GRAP2: variants seen among roughly 807,000 people sequenced by gnomAD.
The protein encoded by GRAP2 is GRB2-related adapter protein 2.
A neutral mutation model predicts 43.5 loss-of-function variants in GRAP2; 31 were observed. That is an observed-to-expected ratio of 0.71 (90% confidence interval 0.54 to 0.96). The LOEUF (loss-of-function observed/expected upper bound fraction) is 0.96, where lower values mean the gene tolerates loss of function less well. Among genes scored for constraint, GRAP2 ranks in the 40% least tolerant of loss-of-function variants. The pLI is 0.00. For missense variants in GRAP2, 371 were observed against 424.4 expected (o/e 0.87, Z 1.11); for synonymous variants, 156 against 164.8 (o/e 0.95, Z 0.41).
chr22:39,922,864 G>A (rs1260441966), intron 1 of GRAP2, among the ~76,000 whole-genome samples: 1 of 152,142 alleles, frequency 6.6e-6, no homozygotes, highest in Non-Finnish European at 1.5e-5. Flanking sequence ...GCAACATGGT[G>A]AAACCCCGTT....
At chr22:39,946,983 A>T (rs2066928912) in intron 1 of GRAP2, 110 bp from the exon 2 acceptor site, 2 of 724,548 alleles carry the variant, frequency 2.8e-6, no homozygotes, top group Non-Finnish European at 5.1e-6. Context: ...CGGCCTGGAG[A>T]CATCCATCTG....
chr22:39,967,319 G>A (rs370441079), intron 5 of GRAP2, among the ~76,000 whole-genome samples: 1 of 152,128 alleles, frequency 6.6e-6, no homozygotes, highest in South Asian at 2.1e-4. Flanking sequence ...ACCAGGAAAC[G>A]GACAGAGGTA....
At chr22:39,962,987 T>G (rs1169952898) in intron 4 of GRAP2, among the ~76,000 whole-genome samples, 2 of 152,130 alleles carry the variant, frequency 1.3e-5, no homozygotes, top group East Asian at 1.9e-4. Context: ...ATGGTTTATA[T>G]TTCCTTAATT....
At chr22:39,922,530 T>C (rs905936314) in intron 1 of GRAP2, among the ~76,000 whole-genome samples, 1 of 152,182 alleles carries the variant, frequency 6.6e-6, no homozygotes, top group Admixed American at 6.5e-5. Context: ...CTAGGAGGCC[T>C]GAGCTTTATC....
chr22:39,945,800 A>G (rs2066915997), intron 1 of GRAP2, among the ~76,000 whole-genome samples: 1 of 152,206 alleles, frequency 6.6e-6, no homozygotes, highest in East Asian at 1.9e-4. Context: ...CCATAAAATT[A>G]TTTTAAAACG....
chr22:39,971,423 G>A lies in GRAP2; in HGVS notation c.*339G>A, dbSNP rs781507441. ...TCCTCCTTGTCTTGGGAATTTTCACGGAGAACAGCTAAGCAGAGACCACAC... is the reference window on the plus strand; with the variant it reads ...TCCTCCTTGTCTTGGGAATTTTCACAGAGAACAGCTAAGCAGAGACCACAC... On this transcript the variant is annotated 3_prime_UTR_variant, in exon 8 of 8. Coordinates refer to ENST00000344138, the MANE Select transcript of GRAP2 (RefSeq NM_004810.4). The A allele has an allele frequency of 2.1e-4, 61 of 290,840 alleles. No individual in the cohort carries two copies. The highest frequency in any genetic ancestry group is 6.6e-4 in the South Asian group (15 of 22,712). The allele number at this position is 290,840 out of a possible 1,614,324, so 18.0% of individuals were successfully genotyped here.
chr22:39,971,149 G>T lies in GRAP2; in HGVS notation c.*65G>T. On this transcript the variant is annotated 3_prime_UTR_variant, in exon 8 of 8. Transcript: ENST00000344138. ...ACAAGAAAGAGGGCAAGGAAAAAAG[G>T]CTGGACTCCATGACTATATATACAT... The T allele has an allele frequency of 3.1e-6, 4 of 1,277,424 alleles. No individual in the cohort carries two copies. The highest frequency in any genetic ancestry group is 2.1e-5 in the Admixed American group (1 of 48,166). 79.1% of individuals were successfully genotyped at this position (1,277,424 alleles called of 1,614,324 possible).
chr22:39,894,512 A>C, the GRAP2 span, among the ~76,000 whole-genome samples: 8 of 152,248 alleles, frequency 5.3e-5, no homozygotes, highest in African/African-American at 1.4e-4. Flanking sequence ...GCACATGAAT[A>C]CATTTTTAAA....
intron 1 of GRAP2, among the ~76,000 whole-genome samples, chr22:39,936,566 GTTA>G (rs1214608724): frequency 6.6e-6 from 1 of 152,172 alleles, no homozygotes; most frequent in Non-Finnish European, 1.5e-5. Context: ...TTCATGGTAA[GTTA>G]TTAATGTTTC....
intron 1 of GRAP2, among the ~76,000 whole-genome samples, chr22:39,924,138 C>T (rs2066677567): frequency 6.6e-6 from 1 of 152,164 alleles, no homozygotes; most frequent in Admixed American, 6.5e-5. Context: ...ATTATTCCTC[C>T]TGGTGGATTG....
At chr22:39,940,602 A>G (rs1159674859) in intron 1 of GRAP2, among the ~76,000 whole-genome samples, 2 of 152,078 alleles carry the variant, frequency 1.3e-5, no homozygotes, top group Non-Finnish European at 2.9e-5. Context: ...AAAGGCCCCA[A>G]ACACAGATGT....
intron 4 of GRAP2, among the ~76,000 whole-genome samples, chr22:39,961,154 G>C (rs1279321905): frequency 6.6e-6 from 1 of 151,950 alleles, no homozygotes; most frequent in Non-Finnish European, 1.5e-5. Flanking sequence ...AGGTCTTACT[G>C]TGTTGCCTGG....
intron 1 of GRAP2, among the ~76,000 whole-genome samples, chr22:39,944,610 C>T (rs2066902935): frequency 1.3e-5 from 2 of 152,138 alleles, no homozygotes; most frequent in South Asian, 4.1e-4. Context: ...GTTGGCTTTG[C>T]CATACCGCCT....
chr22:39,934,268 G>A (rs892105783), intron 1 of GRAP2, among the ~76,000 whole-genome samples: 1 of 152,162 alleles, frequency 6.6e-6, no homozygotes, highest in African/African-American at 2.4e-5. Flanking sequence ...TAACTGGGTA[G>A]GTTTCAAGTT....
chr22:39,947,048 T>TC (rs1555957090), intron 1 of GRAP2, 45 bp from the exon 2 acceptor site: 3 of 1,088,616 alleles, frequency 2.8e-6, no homozygotes, highest in Admixed American at 3.4e-5. Context: ...TCTGCTGCCC[T>TC]CCCCCTGGCA....
At chr22:39,916,462 T>C (rs1175483893) in intron 1 of GRAP2, among the ~76,000 whole-genome samples, 2 of 152,224 alleles carry the variant, frequency 1.3e-5, no homozygotes, top group Non-Finnish European at 2.9e-5. Context: ...CAGTGATGAG[T>C]TGGTTATTAT....
chr22:39,910,333 T>C (rs1271647168), intron 1 of GRAP2, among the ~76,000 whole-genome samples: 5 of 152,322 alleles, frequency 3.3e-5, no homozygotes, highest in Admixed American at 3.3e-4. Flanking sequence ...CTGACTCATA[T>C]CGAAATTGTG....
intron 1 of GRAP2, among the ~76,000 whole-genome samples, chr22:39,942,594 G>C (rs982872524): frequency 1.3e-5 from 2 of 151,662 alleles, no homozygotes; most frequent in Non-Finnish European, 1.5e-5. Flanking sequence ...AGACCAGCCT[G>C]GGCAACATAG....
rs769807914 is a variant in GRAP2 at position 39,969,564 on chromosome 22, G to A, written c.813+31G>A. ...GGAACTGTCCTTCTCTGGGATCCCT[G>A]GGGAAAGGCCTTGGGACAGAGGTCA... On this transcript the variant is annotated intron_variant, in intron 7 of 7. Coordinates refer to ENST00000344138, the MANE Select transcript of GRAP2 (RefSeq NM_004810.4). 43 of 1,611,138 alleles carry A rather than the reference G, an allele frequency of 2.7e-5. No homozygotes were observed. The Admixed American group carries it at 2.7e-4, about 10-fold the overall frequency.
Sources: gnomAD v4.1 joint callset for allele counts (sites outside exome capture counted in the v4.1 genomes callset) on GRCh38, gnomAD v4.1.1 for gene constraint, MANE v1.5 for transcripts, NCBI Gene and HGNC (gene_info 2026-07-23, HGNC 2026-07-21) for gene names.